DOCK3: variants seen among roughly 807,000 people sequenced by gnomAD.
DOCK3 encodes the protein dedicator of cytokinesis 3.
DOCK3 carries 60 observed loss-of-function variants against 265.6 expected under a neutral mutation model. That is an observed-to-expected ratio of 0.23 (90% CI 0.18 to 0.28). The LOEUF is 0.28. Ranked by LOEUF, DOCK3 falls within the 10% of genes least tolerant of loss-of-function variation. DOCK3 has a pLI of 1.00. For missense variants in DOCK3, 1,981 were observed against 2,594.3 expected (o/e 0.76, Z 5.14); for synonymous variants, 881 against 938.0 (o/e 0.94, Z 1.11).
chr3:50,931,093 C>T (rs942836740), intron 4 of DOCK3, among the ~76,000 whole-genome samples: 1 of 152,192 alleles, frequency 6.6e-6, no homozygotes, highest in African/African-American at 2.4e-5. Context: ...CTCCTGCAGC[C>T]ACTCCTGCTG....
chr3:51,246,623 A>G, intron 21 of DOCK3, 103 bp from the exon 22 acceptor site: 1 of 1,047,308 alleles, frequency 9.5e-7, no homozygotes, highest in South Asian at 1.4e-5. Context: ...CTAGCTCATC[A>G]GCAGAATATT....
intron 5 of DOCK3, among the ~76,000 whole-genome samples, chr3:50,956,199 T>G (rs2076725250): frequency 6.6e-6 from 1 of 152,336 alleles, no homozygotes; most frequent in South Asian, 2.1e-4. Context: ...TTTCATTTTA[T>G]AGAAGATATT....
rs1421151749 is a variant in DOCK3 at position 51,360,506 on chromosome 3, A to C, written c.4885-5A>C. 1.2e-6 allele frequency: 2 copies of C among 1,608,370 alleles called. No homozygotes were observed. Among genetic ancestry groups the C allele is most frequent in the Non-Finnish European group, 1.7e-6 (2 of 1,177,148 alleles). ...CTCTATGAAGGGGCATTCATTTCTC[A>C]ACAGGAGTTTCCAGGTTTGGATAAG... On this transcript the variant is annotated splice_polypyrimidine_tract_variant and splice_region_variant and intron_variant, in intron 46 of 52. Coordinates refer to ENST00000266037, the MANE Select transcript of DOCK3 (RefSeq NM_004947.5).
chr3:51,319,218 T>G (rs964118376), intron 32 of DOCK3, among the ~76,000 whole-genome samples: 7 of 152,202 alleles, frequency 4.6e-5, no homozygotes, highest in Non-Finnish European at 7.3e-5. Context: ...GCTCTAAGTT[T>G]TTTATAGATT....
intron 5 of DOCK3, among the ~76,000 whole-genome samples, chr3:50,963,904 C>G (rs1318825513): frequency 6.6e-6 from 1 of 152,144 alleles, no homozygotes; most frequent in Non-Finnish European, 1.5e-5. Flanking sequence ...TTCAAGAGAC[C>G]TAGAGATCTG....
At chr3:51,357,223 G>T in intron 44 of DOCK3, 82 bp downstream of exon 44, 1 of 1,476,704 alleles carries the variant, frequency 6.8e-7, no homozygotes, top group Non-Finnish European at 9.1e-7. Flanking sequence ...CAAGATTATA[G>T]TCTCCTTAGG....
chr3:51,305,550 T>C (rs956151346), intron 27 of DOCK3, among the ~76,000 whole-genome samples: 1 of 152,208 alleles, frequency 6.6e-6, no homozygotes, highest in African/African-American at 2.4e-5. Flanking sequence ...CATTTATGTT[T>C]ACTGTAACTG....
chr3:51,224,339 C>T (rs527522536), intron 14 of DOCK3, among the ~76,000 whole-genome samples: 36 of 152,302 alleles, frequency 2.4e-4, no homozygotes, highest in Middle Eastern at 3.4e-3. Context: ...GGACTAGTCA[C>T]GAAGACCCTG....
intron 12 of DOCK3, among the ~76,000 whole-genome samples, chr3:51,169,918 T>G (rs1211595604): frequency 6.6e-6 from 1 of 152,220 alleles, no homozygotes; most frequent in Non-Finnish European, 1.5e-5. Context: ...TGCTAGTATT[T>G]TGTTGAGAAG....
At chr3:51,057,027 C>A (rs1402158452) in intron 5 of DOCK3, among the ~76,000 whole-genome samples, 1 of 152,152 alleles carries the variant, frequency 6.6e-6, no homozygotes, top group African/African-American at 2.4e-5. Context: ...GGTCCGTAAG[C>A]ATATGTAGTT....
intron 12 of DOCK3, among the ~76,000 whole-genome samples, chr3:51,167,417 T>TG (rs910895434): frequency 3.3e-5 from 5 of 152,220 alleles, no homozygotes. Flanking sequence ...AAGATTGCTT[T>TG]GGGTATTCAG....
chr3:51,064,415 G>T (rs768289843), intron 5 of DOCK3, 33 bp from the exon 6 acceptor site: 2 of 1,611,082 alleles, frequency 1.2e-6, no homozygotes, highest in East Asian at 2.2e-5. Flanking sequence ...CATGTCTCTT[G>T]TATTTCACCC....
chr3:50,948,205 C>T (rs1313077039), intron 5 of DOCK3, among the ~76,000 whole-genome samples: 1 of 150,580 alleles, frequency 6.6e-6, no homozygotes, highest in African/African-American at 2.4e-5. Context: ...TACAGGCGAC[C>T]ACCACTGCAC....
chr3:51,245,431 C>T (rs1472203489), intron 21 of DOCK3, among the ~76,000 whole-genome samples: 3 of 148,702 alleles, frequency 2.0e-5, no homozygotes, highest in African/African-American at 7.5e-5. Context: ...TGCACTGTCG[C>T]CTGGGCTGGA....
At chr3:50,770,474 T>A (rs1380774558) in intron 1 of DOCK3, among the ~76,000 whole-genome samples, 1 of 151,994 alleles carries the variant, frequency 6.6e-6, no homozygotes, top group Non-Finnish European at 1.5e-5. Flanking sequence ...AAATCCGTGT[T>A]CATTGATTGG....
At chr3:50,704,195 T>C (rs1410650226) in intron 1 of DOCK3, among the ~76,000 whole-genome samples, 1 of 152,240 alleles carries the variant, frequency 6.6e-6, no homozygotes, top group Non-Finnish European at 1.5e-5. Flanking sequence ...GCCTAACGTA[T>C]GGTCTATCCT....
At chr3:50,799,009 T>C (rs116544904) in intron 2 of DOCK3, among the ~76,000 whole-genome samples, 1,765 of 152,296 alleles carry the variant, frequency 0.012, 41 homozygotes, top group African/African-American at 0.04. Flanking sequence ...TCTTGGTACT[T>C]TTATCAAAAA....
chr3:50,929,390 AG>A (rs1185728006), intron 4 of DOCK3, among the ~76,000 whole-genome samples: 1 of 152,170 alleles, frequency 6.6e-6, no homozygotes, highest in African/African-American at 2.4e-5. Context: ...CTTAAGGTCC[AG>A]TCTCCTTAGT....
At chr3:51,220,660 A>AC (rs2090031224) in intron 14 of DOCK3, among the ~76,000 whole-genome samples, 1 of 11,864 alleles carries the variant, frequency 8.4e-5, no homozygotes, top group Non-Finnish European at 2.5e-4. Flanking sequence ...CCATCTCAAA[A>AC]AAAAAAAAAA....
Sources: allele counts gnomAD v4.1 joint callset (sites outside exome capture counted in the v4.1 genomes callset), GRCh38; gene constraint gnomAD v4.1.1; transcripts MANE v1.5; gene names NCBI Gene and HGNC (gene_info 2026-07-23, HGNC 2026-07-21).